The following CTNS variants were observed in gnomAD, a reference collection of about 807,000 sequenced individuals.
CTNS encodes cystinosin, lysosomal cystine transporter, also known as cystinosin.
A neutral mutation model predicts 43.7 loss-of-function variants in CTNS; 27 were observed. That is an observed-to-expected ratio of 0.62 (90% CI 0.46 to 0.85). CTNS has a LOEUF of 0.85. Among genes scored for constraint, CTNS ranks in the 40% least tolerant of loss-of-function variants. CTNS has a pLI of 0.00. For missense variants in CTNS, 457 were observed against 475.4 expected (o/e 0.96, Z 0.36); for synonymous variants, 187 against 190.6 (o/e 0.98, Z 0.16).
Position 3,656,602 on chromosome 17 carries a change from C to T in CTNS, c.561+16C>T. 6.2e-7 allele frequency: 1 copy of T among 1,612,256 alleles called. No individual in the cohort carries two copies. Among genetic ancestry groups the T allele is most frequent in the Admixed American group, 1.7e-5 (1 of 59,794 alleles). On this transcript the variant is annotated intron_variant, in intron 8 of 11. Coordinates refer to ENST00000046640, the MANE Select transcript of CTNS (RefSeq NM_004937.3). Reference sequence around the variant, plus strand: ...CTACATCAAGGTACGGCCTTGCCTGCCCTACATCTCTGCCCACATGGCGTG... The same window carrying T: ...CTACATCAAGGTACGGCCTTGCCTGTCCTACATCTCTGCCCACATGGCGTG...
chr17:3,653,350 T>C (rs976407343), intron 5 of CTNS, among the ~76,000 whole-genome samples: 13 of 152,074 alleles, frequency 8.5e-5, no homozygotes, highest in Admixed American at 1.3e-4. Context: ...GGGGCGGAGA[T>C]TGCAGTGAGC....
chr17:3,640,540 TCAGACTATG>T (rs1338230496), intron 3 of CTNS, among the ~76,000 whole-genome samples: 7 of 152,326 alleles, frequency 4.6e-5, no homozygotes, highest in African/African-American at 1.7e-4. Flanking sequence ...GTTCTTAAGG[TCAGACTATG>T]CAGCTGATTC....
At chr17:3,659,447 A>G (rs2076234447) in intron 10 of CTNS, among the ~76,000 whole-genome samples, 1 of 152,074 alleles carries the variant, frequency 6.6e-6, no homozygotes, top group African/African-American at 2.4e-5. Context: ...CAGAAGTCCC[A>G]CTCCCACCAG....
chr17:3,650,177 G>T, intron 5 of CTNS: 1 of 1,550,334 alleles, frequency 6.5e-7, no homozygotes, highest in Non-Finnish European at 8.7e-7. Flanking sequence ...AATAAAGCTG[G>T]TGGAAGCAGG....
In CTNS at chr17:3,660,301, G is replaced by A. The variant is rs757535731; in HGVS notation, c.1036G>A (p.Asp346Asn). Reference protein sequence around the residue: ...FGLGVFSIVFDVVFFIQHFCL... With the variant: ...FGLGVFSIVFNVVFFIQHFCL... ...ACTCGGGGTCTTCTCCATCGTCTTC[G>A]ACGTCGTCTTCTTCATCCAGCACTT... The change falls in exon 12 of 12, where the codon GAC becomes AAC. Residue 346 changes from aspartate (D) to asparagine (N), a missense_variant. Asp to Asn is a conservative substitution (Grantham distance 23). Transcript: ENST00000046640. The A allele has an allele frequency of 7.4e-6, 12 of 1,614,226 alleles. No individual in the cohort carries two copies. Among genetic ancestry groups the A allele is most frequent in the East Asian group, 2.2e-5 (1 of 44,888 alleles).
rs376734722 is a variant in CTNS at position 3,655,807 on chromosome 17, G to A, written c.461+455G>A. 8.3e-4 allele frequency: 205 copies of A among 247,086 alleles called. 4 individuals are homozygous for A. Among genetic ancestry groups the A allele is most frequent in the South Asian group, 6.1e-3 (115 of 18,814 alleles). 15.3% of individuals were successfully genotyped at this position (247,086 alleles called of 1,614,324 possible). On this transcript the variant is annotated intron_variant, in intron 7 of 11. Coordinates refer to ENST00000046640, the MANE Select transcript of CTNS (RefSeq NM_004937.3). Reference sequence around the variant, plus strand: ...CCTGGGTGATGGCAAGCAGAGAGCCGGGAGGGAGACGCTTTCTTCCGGGGG... The same window carrying A: ...CCTGGGTGATGGCAAGCAGAGAGCCAGGAGGGAGACGCTTTCTTCCGGGGG...
rs2142988838 is a variant in CTNS at position 3,662,386 on chromosome 17, A to G, written c.*2017A>G. Among the ~76,000 whole-genome samples, 1 of 152,098 alleles carries G rather than the reference A, an allele frequency of 6.6e-6. No individual in the cohort carries two copies. Among genetic ancestry groups the G allele is most frequent in the East Asian group, 1.9e-4 (1 of 5,176 alleles). The stretch of plus-strand genomic sequence containing the variant: ...GCTAGGTAGGTCCAGGAGTGCTAAC[A>G]CCTTCCCAGAGGTGGTACGCAGGTA... On this transcript the variant is annotated 3_prime_UTR_variant, in exon 12 of 12. Transcript: ENST00000046640.
intron 5 of CTNS, among the ~76,000 whole-genome samples, chr17:3,649,717 A>G (rs1313950001): frequency 6.6e-6 from 1 of 152,076 alleles, no homozygotes; most frequent in Non-Finnish European, 1.5e-5. Flanking sequence ...AGCGATCATT[A>G]CCCATAGCTT....
intron 10 of CTNS, 36 bp downstream of exon 10, chr17:3,658,211 GGAGAGGT>G (rs1309953867): frequency 6.2e-7 from 1 of 1,610,608 alleles, no homozygotes. Flanking sequence ...GCCGGTGGCA[GGAGAGGT>G]GAGAGCTACA....
chr17:3,647,531 C>G lies in CTNS; in HGVS notation c.140+9C>G. 1 of 1,613,710 alleles carries G rather than the reference C, an allele frequency of 6.2e-7. No homozygotes were observed. The highest frequency in any genetic ancestry group is 2.2e-5 in the East Asian group (1 of 44,882). ...GTCAGCCTCACCCTGCGGTAAGTTC[C>G]TGGGCCTGGCGCTGTGCTCAGCTCC... is the stretch of plus-strand genomic sequence containing the variant. On this transcript the variant is annotated intron_variant, in intron 4 of 11. Transcript: ENST00000046640.
intron 5 of CTNS, among the ~76,000 whole-genome samples, chr17:3,652,340 C>T (rs2076007326): frequency 6.6e-6 from 1 of 152,104 alleles, no homozygotes; most frequent in Admixed American, 6.6e-5. Context: ...GCCTGTAATC[C>T]CAGCACTTCG....
intron 5 of CTNS, chr17:3,650,581 T>G: frequency 2.3e-5 from 7 of 303,380 alleles, no homozygotes; most frequent in East Asian, 6.7e-5. Flanking sequence ...GAGAGGGAGC[T>G]CTCCCCGCTG....
chr17:3,652,503 A>G (rs2076011059), intron 5 of CTNS, among the ~76,000 whole-genome samples: 1 of 151,904 alleles, frequency 6.6e-6, no homozygotes, highest in South Asian at 2.1e-4. Flanking sequence ...GAGGCAGGAA[A>G]ATCACTTGAA....
In CTNS at chr17:3,636,791, G is replaced by A. The variant is rs374895186; in HGVS notation, c.-270G>A. On this transcript the variant is annotated 5_prime_UTR_variant, in exon 1 of 12. An upstream start codon of the reference 5' UTR is lost. Coordinates refer to ENST00000046640, the MANE Select transcript of CTNS (RefSeq NM_004937.3). ...CTGACCGGCACCTGGCGAGGCTCATGCGTCCCGTGAGGGCGGTTCCTCGAG... is the reference window on the plus strand; with the variant it reads ...CTGACCGGCACCTGGCGAGGCTCATACGTCCCGTGAGGGCGGTTCCTCGAG... 1 of 152,592 alleles carries A rather than the reference G, an allele frequency of 6.6e-6. No individual in the cohort carries two copies. The highest frequency in any genetic ancestry group is 2.4e-5 in the African/African-American group (1 of 41,472). 9.5% of individuals were successfully genotyped at this position (152,592 alleles called of 1,614,324 possible). A position where few individuals can be genotyped will look rare whatever the true frequency, so the allele number is the denominator to read the frequency against.
In CTNS at chr17:3,655,121, T is replaced by C; in HGVS notation, c.329+20T>C. The C allele has an allele frequency of 6.2e-7, 1 of 1,613,612 alleles. No homozygotes were observed. The highest frequency in any genetic ancestry group is 1.1e-5 in the South Asian group (1 of 91,082). On this transcript the variant is annotated intron_variant, in intron 6 of 11. Transcript: ENST00000046640. ...GACCGGGTAGGCTGGCCTCAGGGTG[T>C]GCGGGCCTCACGTGACAAGAAGGGG...
intron 8 of CTNS, 29 bp from the exon 9 acceptor site, chr17:3,656,647 C>G (rs961335018): frequency 6.2e-7 from 1 of 1,612,952 alleles, no homozygotes; most frequent in Non-Finnish European, 8.5e-7. Flanking sequence ...CTGCCCCTCA[C>G]CACCCAGCTT....
rs779438448 is a variant in CTNS at position 3,659,842 on chromosome 17, C to T, written c.853-16C>T. 2.9e-5 allele frequency: 46 copies of T among 1,596,528 alleles called. 1 individual carries two copies. The highest frequency in any genetic ancestry group is 2.2e-4 in the East Asian group (10 of 44,784). Reference sequence around the variant, plus strand: ...CCTCACCGCCCTCCGTCTGTCTGTCCGTCTGTCTGGCCCAGGCCTACATGA... The same window carrying T: ...CCTCACCGCCCTCCGTCTGTCTGTCTGTCTGTCTGGCCCAGGCCTACATGA... On this transcript the variant is annotated splice_polypyrimidine_tract_variant and intron_variant, in intron 10 of 11. Transcript: ENST00000046640.
rs140572605 is a variant in CTNS at position 3,656,730 on chromosome 17, G to T, written c.616G>T (p.Val206Phe). The change falls in exon 9 of 12, where the codon GTC (valine) becomes TTC (phenylalanine). Residue 206 changes from valine to phenylalanine, a missense_variant. Coordinates refer to ENST00000046640, the MANE Select transcript of CTNS (RefSeq NM_004937.3). ...NGVNPVNSND[V>F]FFSLHAVVLT... ...AGTGAACCCCGTGAACAGCAACGAC[G>T]TCTTCTTCAGCCTGCACGCGGTTGT... The T allele has an allele frequency of 6.2e-6, 10 of 1,613,322 alleles. No individual in the cohort carries two copies. Among genetic ancestry groups the T allele is most frequent in the African/African-American group, 1.3e-5 (1 of 74,826 alleles).
rs755702977 is a variant in CTNS, at chr17:3,659,891, G to A, written c.886G>A (p.Gly296Ser). 8 of 1,613,986 alleles carry A rather than the reference G, an allele frequency of 5.0e-6. No individual in the cohort carries two copies. In the South Asian group the frequency reaches 7.7e-5, roughly 16 times the overall value. Residue 296 changes from glycine (G) to serine (S), a missense_variant, in exon 11 of 12, where the codon GGC becomes AGC. Physicochemically the swap from Gly to Ser is moderately conservative, Grantham distance 56 (BLOSUM62 0). Coordinates refer to ENST00000046640, the MANE Select transcript of CTNS (RefSeq NM_004937.3). The stretch of plus-strand genomic sequence containing the variant: ...GAACTTTTACTACAAAAGCACTGAG[G>A]GCTGGAGCATTGGCAACGTGCTCCT... ...YMNFYYKSTE[G>S]WSIGNVLLDF... is the part of the protein sequence containing the mutation.
Sources: gnomAD v4.1 joint callset for allele counts (sites outside exome capture counted in the v4.1 genomes callset) on GRCh38, gnomAD v4.1.1 for gene constraint, MANE v1.5 for transcripts, NCBI Gene and HGNC (gene_info 2026-07-23, HGNC 2026-07-21) for gene names.